The following RBMS3 variants were observed in gnomAD, a reference collection of about 807,000 sequenced individuals.
The protein encoded by RBMS3 is RNA-binding motif, single-stranded-interacting protein 3.
RBMS3 carries 27 observed loss-of-function variants against 66.8 expected under a neutral mutation model. That is an observed-to-expected ratio of 0.40 (90% CI 0.30 to 0.56). The LOEUF (loss-of-function observed/expected upper bound fraction) is 0.56, where lower values mean the gene tolerates loss of function less well. Ranked by LOEUF, RBMS3 falls within the 20% of genes least tolerant of loss-of-function variation. The pLI is 0.40. For synonymous variants in RBMS3, 188 were observed against 183.0 expected (o/e 1.03, Z -0.22); for missense variants, 513 against 549.5 (o/e 0.93, Z 0.66).
chr3:29,889,568 A>G (rs2059950747), intron 8 of RBMS3, among the ~76,000 whole-genome samples: 1 of 151,650 alleles, frequency 6.6e-6, no homozygotes, highest in Non-Finnish European at 1.5e-5. Context: ...AAGACTTTGT[A>G]AAGATTAAAG....
At chr3:29,998,188 C>G (rs1418082645) in intron 14 of RBMS3, among the ~76,000 whole-genome samples, 2 of 152,106 alleles carry the variant, frequency 1.3e-5, no homozygotes, top group Non-Finnish European at 2.9e-5. Flanking sequence ...GAATAAAATA[C>G]CTAGGAATCC....
intron 4 of RBMS3, among the ~76,000 whole-genome samples, chr3:29,658,322 G>T (rs529831990): frequency 6.6e-6 from 1 of 152,202 alleles, no homozygotes; most frequent in East Asian, 1.9e-4. Context: ...AATTTTGTGG[G>T]CATAGCAGTC....
intron 1 of RBMS3, among the ~76,000 whole-genome samples, chr3:29,302,377 A>AT (rs2033736918): frequency 6.6e-6 from 1 of 151,870 alleles, no homozygotes; most frequent in Non-Finnish European, 1.5e-5. Context: ...ATTTACCTAG[A>AT]TTTTAATTTG....
chr3:29,512,538 CTATT>C (rs1478929604), intron 3 of RBMS3, among the ~76,000 whole-genome samples: 25 of 152,212 alleles, frequency 1.6e-4, no homozygotes, highest in African/African-American at 5.3e-4. Flanking sequence ...AAACATAATT[CTATT>C]TATTTATATT....
At chr3:29,682,198 C>A (rs1008195044) in intron 4 of RBMS3, among the ~76,000 whole-genome samples, 2 of 152,156 alleles carry the variant, frequency 1.3e-5, no homozygotes, top group African/African-American at 4.8e-5. Flanking sequence ...CAGGCTGGAG[C>A]GCAATGGTGC....
chr3:29,532,945 T>C (rs2045421806), intron 3 of RBMS3, among the ~76,000 whole-genome samples: 1 of 152,216 alleles, frequency 6.6e-6, no homozygotes, highest in South Asian at 2.1e-4. Context: ...ATAAGTAGTA[T>C]TACTTCGATT....
chr3:29,484,759 C>T (rs1258580624), intron 2 of RBMS3, among the ~76,000 whole-genome samples: 1 of 152,112 alleles, frequency 6.6e-6, no homozygotes, highest in African/African-American at 2.4e-5. Flanking sequence ...TACAGATATG[C>T]TCCATTACCA....
intron 6 of RBMS3, among the ~76,000 whole-genome samples, chr3:29,842,623 C>T (rs780883407): frequency 1.6e-4 from 24 of 152,236 alleles, no homozygotes; most frequent in South Asian, 1.5e-3. Flanking sequence ...ATGTCCATGT[C>T]GTAATCTCCA....
At chr3:29,701,156 A>C (rs1462057094) in intron 4 of RBMS3, among the ~76,000 whole-genome samples, 1 of 152,120 alleles carries the variant, frequency 6.6e-6, no homozygotes, top group Non-Finnish European at 1.5e-5. Context: ...GGGCTCCTGT[A>C]ATCCCAGCTA....
At chr3:29,977,363 T>C (rs1054413623) in intron 12 of RBMS3, among the ~76,000 whole-genome samples, 1 of 152,156 alleles carries the variant, frequency 6.6e-6, no homozygotes. Context: ...AATATGTTTG[T>C]TTTGTTTTGC....
At chr3:29,764,150 C>A (rs2055823980) in intron 6 of RBMS3, among the ~76,000 whole-genome samples, 1 of 151,934 alleles carries the variant, frequency 6.6e-6, no homozygotes, top group Non-Finnish European at 1.5e-5. Flanking sequence ...TGCAGAAAGA[C>A]CCTTCAGACA....
chr3:29,474,942 G>A lies in RBMS3; in HGVS notation c.249-13499G>A, dbSNP rs371680891. ...GGGAGTGATGGAAATATAAAGAATA[G>A]AAAGAGAATCTGAGCTTAGTGGGGA... On this transcript the variant is annotated intron_variant, in intron 2 of 14. Coordinates refer to ENST00000383767, the MANE Select transcript of RBMS3 (RefSeq NM_001003793.3). Among the ~76,000 whole-genome samples the A allele has an allele frequency of 3.3e-5, 5 of 152,276 alleles. No homozygotes were observed. The East Asian group carries it at 9.7e-4, about 29-fold the overall frequency.
chr3:29,290,854 G>C (rs1320524408), intron 1 of RBMS3: 5 of 151,682 alleles, frequency 3.3e-5, no homozygotes, highest in Non-Finnish European at 7.4e-5. Context: ...GCTTTTTGAG[G>C]CCTCCATTCC....
At chr3:29,507,886 T>TA (rs1019832459) in intron 3 of RBMS3, among the ~76,000 whole-genome samples, 1 of 152,140 alleles carries the variant, frequency 6.6e-6, no homozygotes, top group Non-Finnish European at 1.5e-5. Context: ...ATTATATGTT[T>TA]AAAAAATTCT....
At chr3:29,555,377 A>G (rs778524650) in intron 3 of RBMS3, among the ~76,000 whole-genome samples, 6 of 152,210 alleles carry the variant, frequency 3.9e-5, no homozygotes, top group Non-Finnish European at 5.9e-5. Context: ...GTTCTCTTCA[A>G]TGAAGCATCT....
chr3:29,588,256 T>A (rs2047602802), intron 4 of RBMS3, among the ~76,000 whole-genome samples: 1 of 152,096 alleles, frequency 6.6e-6, no homozygotes, highest in South Asian at 2.1e-4. Context: ...TTGATAATAG[T>A]GAACTTATTT....
chr3:29,787,013 G>A (rs1324304500), intron 6 of RBMS3, among the ~76,000 whole-genome samples: 1 of 151,992 alleles, frequency 6.6e-6, no homozygotes, highest in Non-Finnish European at 1.5e-5. Flanking sequence ...TCAAAAAGTG[G>A]CCTAAGGACA....
At chr3:29,483,159 A>G (rs949113315) in intron 2 of RBMS3, among the ~76,000 whole-genome samples, 2 of 151,854 alleles carry the variant, frequency 1.3e-5, no homozygotes, top group Non-Finnish European at 2.9e-5. Flanking sequence ...ATACAAAAAA[A>G]TTAGCCGGGC....
At chr3:29,389,281 C>T (rs947478119) in intron 1 of RBMS3, among the ~76,000 whole-genome samples, 1 of 152,052 alleles carries the variant, frequency 6.6e-6, no homozygotes, top group African/African-American at 2.4e-5. Context: ...CTTGAGATTG[C>T]TGTAACAGTG....
Sources: gnomAD v4.1 joint callset for allele counts (sites outside exome capture counted in the v4.1 genomes callset) on GRCh38, gnomAD v4.1.1 for gene constraint, MANE v1.5 for transcripts, NCBI Gene and HGNC (gene_info 2026-07-23, HGNC 2026-07-21) for gene names.